NFATC1: variants seen among roughly 807,000 people sequenced by gnomAD.
NFATC1 encodes nuclear factor of activated T cells 1.
NFATC1 carries 22 observed loss-of-function variants against 76.0 expected under a neutral mutation model. The ratio of observed to expected loss-of-function variants is 0.29; its 90% CI spans 0.21 to 0.41. The LOEUF (loss-of-function observed/expected upper bound fraction) is 0.41, where lower values mean the gene tolerates loss of function less well. Ranked by LOEUF, NFATC1 falls within the 10% of genes least tolerant of loss-of-function variation. NFATC1 has a pLI of 1.00. For missense variants in NFATC1, 1,357 were observed against 1,337.7 expected, an observed-to-expected ratio of 1.01 and a Z score of -0.23; for synonymous variants, 704 against 613.1, an observed-to-expected ratio of 1.15 and a Z score of -2.19.
At chr18:79,464,904 G>T (rs1401405809) in intron 7 of NFATC1, among the ~76,000 whole-genome samples, 1 of 150,858 alleles carries the variant, frequency 6.6e-6, no homozygotes, top group Non-Finnish European at 1.5e-5. Flanking sequence ...GGGGCCTCGC[G>T]GTGTTGCCCA....
intron 9 of NFATC1, among the ~76,000 whole-genome samples, chr18:79,501,482 A>G (rs889772389): frequency 6.6e-6 from 1 of 151,512 alleles, no homozygotes; most frequent in Non-Finnish European, 1.5e-5. Flanking sequence ...GGTTCTAGCC[A>G]GTGTAGCCAG....
At chr18:79,428,959 G>A (rs1282844741) in intron 2 of NFATC1, among the ~76,000 whole-genome samples, 3 of 152,212 alleles carry the variant, frequency 2.0e-5, no homozygotes, top group Non-Finnish European at 4.4e-5. Context: ...AGTGGCTCAC[G>A]CCTGTAATCC....
rs1189766058 is a variant in NFATC1, at chr18:79,435,865, G to A, written c.1386+2127G>A. On this transcript the variant is annotated intron_variant, in intron 3 of 9. Transcript: ENST00000427363. ...GAAGGAGCCCTTTCCATTGAAACGC[G>A]GGAGAAAACGGTCCCCTGCACGGAG... 1.3e-5 allele frequency among the ~76,000 whole-genome samples: 2 copies of A among 152,210 alleles called. 1 individual carries two copies. The highest frequency in any genetic ancestry group is 1.3e-4 in the Admixed American group (2 of 15,276).
At chr18:79,402,488 C>A in intron 1 of NFATC1, 1 of 764,392 alleles carries the variant, frequency 1.3e-6, no homozygotes, top group Non-Finnish European at 1.6e-6. Context: ...CACCCTGGGC[C>A]CTCCGGAGCT....
intron 6 of NFATC1, among the ~76,000 whole-genome samples, chr18:79,453,093 G>T (rs1368480983): frequency 2.0e-5 from 3 of 152,212 alleles, no homozygotes; most frequent in Non-Finnish European, 4.4e-5. Context: ...GAAGGCATTT[G>T]CATTGCCCGT....
chr18:79,444,438 C>T (rs1057470251), intron 3 of NFATC1, among the ~76,000 whole-genome samples: 2 of 151,608 alleles, frequency 1.3e-5, no homozygotes, highest in African/African-American at 4.8e-5. Flanking sequence ...CCACCCCGAG[C>T]CCACGCTGCT....
chr18:79,456,307 A>G (rs147775138), intron 6 of NFATC1, among the ~76,000 whole-genome samples: 1 of 152,360 alleles, frequency 6.6e-6, no homozygotes, highest in East Asian at 1.9e-4. Flanking sequence ...CATGTCATCC[A>G]GGTGCAGGAA....
At chr18:79,429,253 G>A (rs7229695) in intron 2 of NFATC1, among the ~76,000 whole-genome samples, 18,816 of 149,038 alleles carry the variant, frequency 0.13, 1,612 homozygotes, top group African/African-American at 0.24. Flanking sequence ...GAGAGAGAGA[G>A]AAACAGAGAA....
rs550699928 is a variant in NFATC1 at position 79,446,800 on chromosome 18, A to G, written c.1387-1982A>G. Reference sequence around the variant, plus strand: ...GTGGGCTGCTGGTGGCCTTGGGTGCAGAGACTCCTGTGGGCATCTGCGCAC... The same window carrying G: ...GTGGGCTGCTGGTGGCCTTGGGTGCGGAGACTCCTGTGGGCATCTGCGCAC... On this transcript the variant is annotated intron_variant, in intron 3 of 9. Coordinates refer to ENST00000427363, the MANE Select transcript of NFATC1 (RefSeq NM_001278669.2). 5.9e-5 allele frequency among the ~76,000 whole-genome samples: 9 copies of G among 152,344 alleles called. No homozygotes were observed. In the East Asian group the frequency reaches 1.4e-3, roughly 23 times the overall value.
At chr18:79,402,480 C>T (rs1342587860) in intron 1 of NFATC1, 3 of 813,290 alleles carry the variant, frequency 3.7e-6, no homozygotes, top group East Asian at 2.5e-4. Context: ...CTCGCAGGCA[C>T]CCTGGGCCCT....
intron 1 of NFATC1, among the ~76,000 whole-genome samples, chr18:79,398,385 G>T (rs1291278153): frequency 6.6e-6 from 1 of 152,248 alleles, no homozygotes; most frequent in Non-Finnish European, 1.5e-5. Context: ...CACCCAGCGG[G>T]GCTTCTGTCT....
In NFATC1 at chr18:79,433,618, C is replaced by T. The variant is rs753854727; in HGVS notation, c.1266C>T (p.His422=). 9 of 1,613,130 alleles carry T rather than the reference C, an allele frequency of 5.6e-6. No individual in the cohort carries two copies. The East Asian group carries it at 2.0e-4, about 36-fold the overall frequency. The change falls in exon 3 of 10, where the codon CAC becomes CAT. Residue 422 remains histidine (H), a synonymous_variant. Coordinates refer to ENST00000427363, the MANE Select transcript of NFATC1 (RefSeq NM_001278669.2). ...LPALDWQLPS[H]SGPYELRIEV... ...CCCTGGACTGGCAGCTGCCGTCCCA[C>T]TCAGGCCCGTATGAGCTTCGGATTG...
At chr18:79,399,335 A>G (rs1489252402) in intron 1 of NFATC1, among the ~76,000 whole-genome samples, 3 of 152,322 alleles carry the variant, frequency 2.0e-5, no homozygotes, top group East Asian at 3.9e-4. Context: ...TCGCCTCTGG[A>G]AAAGGCAGTG....
At chr18:79,464,486 G>A in intron 7 of NFATC1, among the ~76,000 whole-genome samples, 1 of 149,100 alleles carries the variant, frequency 6.7e-6, no homozygotes. Flanking sequence ...GTGGACATTT[G>A]GACAATATAA....
intron 9 of NFATC1, among the ~76,000 whole-genome samples, chr18:79,490,890 G>C (rs555409267): frequency 6.6e-6 from 1 of 152,274 alleles, no homozygotes; most frequent in Non-Finnish European, 1.5e-5. Flanking sequence ...TGACATAAAC[G>C]AGGTCAGGGC....
intron 7 of NFATC1, among the ~76,000 whole-genome samples, chr18:79,464,694 ATT>A (rs59151346): frequency 0.019 from 1,970 of 106,104 alleles, 74 homozygotes; most frequent in African/African-American, 0.024. Context: ...ATATATATAT[ATT>A]TATTTATTTA....
chr18:79,460,210 G>A (rs908047615), intron 6 of NFATC1, among the ~76,000 whole-genome samples: 1 of 152,172 alleles, frequency 6.6e-6, no homozygotes, highest in Non-Finnish European at 1.5e-5. Context: ...CACTGTAACA[G>A]AGAAAAAGGA....
intron 8 of NFATC1, among the ~76,000 whole-genome samples, chr18:79,477,055 A>G (rs976723488): frequency 2.0e-5 from 3 of 152,048 alleles, no homozygotes; most frequent in African/African-American, 7.2e-5. Context: ...TGGATCCCTC[A>G]CCTGCTCTGG....
intron 1 of NFATC1, among the ~76,000 whole-genome samples, chr18:79,407,829 G>A (rs995461398): frequency 9.2e-5 from 14 of 152,174 alleles, no homozygotes; most frequent in Non-Finnish European, 1.5e-4. Flanking sequence ...ATTTCTTTAC[G>A]ATGGGGAAGG....
Sources: gnomAD v4.1 joint callset for allele counts (sites outside exome capture counted in the v4.1 genomes callset) on GRCh38, gnomAD v4.1.1 for gene constraint, MANE v1.5 for transcripts, NCBI Gene and HGNC (gene_info 2026-07-23, HGNC 2026-07-21) for gene names.